Variants in NUBPL observed in about 807,000 individuals in gnomAD.
NUBPL encodes the protein iron-sulfur cluster transfer protein NUBPL.
Under a neutral mutation model 45.7 loss-of-function variants are expected in NUBPL, and 31 were observed. The ratio of observed to expected loss-of-function variants is 0.68; its 90% CI spans 0.51 to 0.92. NUBPL has a LOEUF of 0.92. Among genes scored for constraint, NUBPL ranks in the 40% least tolerant of loss-of-function variants. NUBPL has a pLI of 0.00. For missense variants in NUBPL, 401 were observed against 398.7 expected (o/e 1.01, Z -0.05); for synonymous variants, 144 against 140.9 (o/e 1.02, Z -0.15).
chr14:31,629,751 T>C (rs2035294466), intron 4 of NUBPL, among the ~76,000 whole-genome samples: 1 of 152,146 alleles, frequency 6.6e-6, no homozygotes, highest in Admixed American at 6.5e-5. Flanking sequence ...AGAAATGATA[T>C]ATGCCGAGGT....
chr14:31,846,723 G>A (rs933827133), intron 9 of NUBPL, 132 bp downstream of exon 9: 23 of 1,384,472 alleles, frequency 1.7e-5, no homozygotes, highest in East Asian at 2.6e-5. Context: ...TTGGGAGGTC[G>A]AGGTGGACAG....
At chr14:31,854,230 A>G (rs2040583219) in intron 10 of NUBPL, among the ~76,000 whole-genome samples, 1 of 152,218 alleles carries the variant, frequency 6.6e-6, no homozygotes, top group South Asian at 2.1e-4. Flanking sequence ...CATAGCGGAC[A>G]GTAGGGTCCA....
chr14:31,569,598 G>A (rs2033527205), intron 3 of NUBPL, among the ~76,000 whole-genome samples: 1 of 152,146 alleles, frequency 6.6e-6, no homozygotes. Context: ...GGGTAGTATT[G>A]CAGAGCAAAA....
intron 6 of NUBPL, among the ~76,000 whole-genome samples, chr14:31,780,718 GATA>G (rs1370725711): frequency 6.6e-6 from 1 of 152,118 alleles, no homozygotes; most frequent in East Asian, 1.9e-4. Context: ...AAAAATTTGA[GATA>G]ATAACTGTGG....
chr14:31,697,413 A>C (rs954246182), intron 6 of NUBPL, among the ~76,000 whole-genome samples: 2 of 152,248 alleles, frequency 1.3e-5, no homozygotes, highest in East Asian at 3.8e-4. Context: ...TTTGAAAATA[A>C]ATAAATTAAA....
intron 6 of NUBPL, among the ~76,000 whole-genome samples, chr14:31,703,879 G>A (rs1444238350): frequency 6.6e-6 from 1 of 152,074 alleles, no homozygotes; most frequent in Non-Finnish European, 1.5e-5. Flanking sequence ...TAACAGCTGT[G>A]GATCAACAGG....
intron 3 of NUBPL, among the ~76,000 whole-genome samples, chr14:31,594,392 G>A (rs75715381): frequency 6.9e-4 from 105 of 152,156 alleles, no homozygotes; most frequent in African/African-American, 1.9e-3. Flanking sequence ...TAGCATGGGC[G>A]ACAGAGCAAG....
chr14:31,629,964 G>C (rs1482744555), intron 4 of NUBPL, among the ~76,000 whole-genome samples: 1 of 152,154 alleles, frequency 6.6e-6, no homozygotes, highest in Non-Finnish European at 1.5e-5. Flanking sequence ...TGGAGTCAGA[G>C]TGACCCAACC....
chr14:31,766,972 A>G (rs1045892247), intron 6 of NUBPL, among the ~76,000 whole-genome samples: 1 of 152,044 alleles, frequency 6.6e-6, no homozygotes, highest in Non-Finnish European at 1.5e-5. Context: ...AAAAGGAAGC[A>G]GAGGGAACAA....
At chr14:31,753,407 G>A (rs1595582464) in intron 6 of NUBPL, among the ~76,000 whole-genome samples, 1 of 152,140 alleles carries the variant, frequency 6.6e-6, no homozygotes, top group Non-Finnish European at 1.5e-5. Context: ...ATGTATGTTG[G>A]CTCCCCTAGC....
At chr14:31,812,756 C>T (rs570216406) in intron 7 of NUBPL, among the ~76,000 whole-genome samples, 1 of 152,176 alleles carries the variant, frequency 6.6e-6, no homozygotes, top group South Asian at 2.1e-4. Context: ...TGTTCCTATT[C>T]GGCCATCTTG....
chr14:31,640,594 G>A (rs141071411), intron 4 of NUBPL, among the ~76,000 whole-genome samples: 12,511 of 137,508 alleles, frequency 0.091, 656 homozygotes, highest in African/African-American at 0.16. Context: ...CAGCCTGGGC[G>A]ACAGAGTGAG....
At chr14:31,798,380 T>G (rs950123829) in intron 7 of NUBPL, among the ~76,000 whole-genome samples, 18 of 151,714 alleles carry the variant, frequency 1.2e-4, no homozygotes, top group African/African-American at 4.1e-4. Flanking sequence ...TCCCTTTGTT[T>G]TAGTGTGTGG....
rs536479984 is a variant in NUBPL at position 31,844,656 on chromosome 14, CCTT to C, written c.694-1811_694-1809del. 140 of 151,766 alleles carry C rather than the reference CCTT, an allele frequency of 9.2e-4. 1 individual carries two copies. In the East Asian group the frequency reaches 0.016, roughly 17 times the overall value. The allele number at this position is 151,766 out of a possible 1,614,324, so 9.4% of individuals were successfully genotyped here. On this transcript the variant is annotated intron_variant, in intron 8 of 10. Coordinates refer to ENST00000281081, the MANE Select transcript of NUBPL (RefSeq NM_025152.3). ...TTCAGAAAGAATAACAATTTTTTCG[CCTT>C]CTTATCTATATGTTTCATTGTGGAC...
chr14:31,767,036 C>A (rs2038925387), intron 6 of NUBPL, among the ~76,000 whole-genome samples: 1 of 151,802 alleles, frequency 6.6e-6, no homozygotes, highest in East Asian at 1.9e-4. Context: ...TTTCTAACGG[C>A]AAAATCCAAA....
chr14:31,626,492 CT>C (rs1170802442), intron 4 of NUBPL, among the ~76,000 whole-genome samples: 2 of 152,206 alleles, frequency 1.3e-5, no homozygotes, highest in Non-Finnish European at 2.9e-5. Flanking sequence ...TGTAACCTTC[CT>C]CTTTCCTTTT....
At chr14:31,572,909 G>T (rs938016674) in intron 3 of NUBPL, among the ~76,000 whole-genome samples, 3 of 152,128 alleles carry the variant, frequency 2.0e-5, no homozygotes, top group African/African-American at 4.8e-5. Flanking sequence ...TAACACAATG[G>T]TAAGTATTTA....
At chr14:31,673,445 T>C (rs1466834204) in intron 5 of NUBPL, 39 bp from the exon 6 acceptor site, 2 of 1,604,848 alleles carry the variant, frequency 1.2e-6, no homozygotes, top group African/African-American at 1.3e-5. Flanking sequence ...TGTTGATTAA[T>C]TTATACAAAT....
chr14:31,578,545 CTT>C (rs2033777788), intron 3 of NUBPL, among the ~76,000 whole-genome samples: 1 of 152,204 alleles, frequency 6.6e-6, no homozygotes, highest in Admixed American at 6.5e-5. Context: ...AGGGAAAACA[CTT>C]TTAAAGAACC....
Sources: allele counts gnomAD v4.1 joint callset (sites outside exome capture counted in the v4.1 genomes callset), GRCh38; gene constraint gnomAD v4.1.1; transcripts MANE v1.5; gene names NCBI Gene and HGNC (gene_info 2026-07-23, HGNC 2026-07-21).